The following GRIA1 variants were observed in gnomAD, a reference collection of about 807,000 sequenced individuals.
GRIA1 encodes glutamate ionotropic receptor AMPA type subunit 1, also known as glutamate receptor 1.
A neutral mutation model predicts 99.2 loss-of-function variants in GRIA1; 31 were observed. The ratio of observed to expected loss-of-function variants is 0.31; its 90% CI spans 0.23 to 0.42. The LOEUF is 0.42. Ranked by LOEUF, GRIA1 falls within the 10% of genes least tolerant of loss-of-function variation. The probability of loss-of-function intolerance (pLI) is 1.00; values close to 1 mark genes in which losing one functional copy is unlikely to be tolerated. For synonymous variants in GRIA1, 438 were observed against 432.4 expected (o/e 1.01, Z -0.16); for missense variants, 782 against 1,157.5 (o/e 0.68, Z 4.71).
At chr5:153,757,964 A>G (rs890159918) in intron 11 of GRIA1, among the ~76,000 whole-genome samples, 1 of 152,178 alleles carries the variant, frequency 6.6e-6, no homozygotes, top group Non-Finnish European at 1.5e-5. Flanking sequence ...AGACTGAAAG[A>G]CAAAACTATG....
At chr5:153,560,701 G>A (rs557638774) in intron 2 of GRIA1, among the ~76,000 whole-genome samples, 2 of 152,290 alleles carry the variant, frequency 1.3e-5, no homozygotes, top group South Asian at 4.1e-4. Context: ...AAACTACTCA[G>A]TCTTGGGTGT....
intron 7 of GRIA1, among the ~76,000 whole-genome samples, chr5:153,683,243 C>CA (rs1459320266): frequency 1.3e-5 from 2 of 152,180 alleles, no homozygotes; most frequent in African/African-American, 4.8e-5. Context: ...GGGGCTGAGC[C>CA]ATTCTCTTGA....
intron 11 of GRIA1, among the ~76,000 whole-genome samples, chr5:153,745,608 A>AG (rs1561823731): frequency 4.9e-4 from 69 of 140,018 alleles, no homozygotes; most frequent in African/African-American, 1.8e-3. Flanking sequence ...AAAAAAAAAA[A>AG]AAAAGAAAAG....
intron 9 of GRIA1, among the ~76,000 whole-genome samples, chr5:153,698,483 C>G (rs767608063): frequency 4.6e-5 from 7 of 152,138 alleles, no homozygotes; most frequent in Non-Finnish European, 1.0e-4. Context: ...CAAAGAAAGT[C>G]CAATACATAA....
chr5:153,597,623 A>G (rs1217370687), intron 2 of GRIA1, among the ~76,000 whole-genome samples: 3 of 152,192 alleles, frequency 2.0e-5, no homozygotes, highest in Non-Finnish European at 2.9e-5. Flanking sequence ...AAATATTAAC[A>G]TTAGTTTTAC....
chr5:153,724,209 C>G (rs2149545602), intron 11 of GRIA1, among the ~76,000 whole-genome samples: 1 of 152,256 alleles, frequency 6.6e-6, no homozygotes, highest in South Asian at 2.1e-4. Flanking sequence ...GGAAAACTAA[C>G]AAACAGAAAG....
intron 11 of GRIA1, among the ~76,000 whole-genome samples, chr5:153,731,555 G>A (rs1182202604): frequency 6.6e-6 from 1 of 152,002 alleles, no homozygotes; most frequent in Non-Finnish European, 1.5e-5. Flanking sequence ...TTCCAAACTA[G>A]AATGTGAGCT....
chr5:153,563,957 G>A (rs775449078), intron 2 of GRIA1, among the ~76,000 whole-genome samples: 1 of 152,194 alleles, frequency 6.6e-6, no homozygotes, highest in Non-Finnish European at 1.5e-5. Flanking sequence ...TGCTTTTACA[G>A]ACAGAAACTT....
intron 5 of GRIA1, among the ~76,000 whole-genome samples, chr5:153,665,952 A>G (rs1581430323): frequency 6.6e-6 from 1 of 152,318 alleles, no homozygotes; most frequent in African/African-American, 2.4e-5. Context: ...AGATCAATCA[A>G]CTAATGGCTA....
At chr5:153,807,161 G>A (rs1440197729) in intron 15 of GRIA1, among the ~76,000 whole-genome samples, 1 of 152,152 alleles carries the variant, frequency 6.6e-6, no homozygotes, top group Admixed American at 6.5e-5. Context: ...TTTCCCCTTT[G>A]ACATGTCGAT....
At chr5:153,697,850 G>T (rs538855018) in intron 8 of GRIA1, among the ~76,000 whole-genome samples, 194 bp from the exon 9 acceptor site, 2 of 152,190 alleles carry the variant, frequency 1.3e-5, no homozygotes, top group African/African-American at 4.8e-5. Context: ...ATTTTCCCTG[G>T]GAGCAAAATT....
intron 2 of GRIA1, among the ~76,000 whole-genome samples, chr5:153,615,573 G>A (rs1390223258): frequency 3.3e-5 from 5 of 152,150 alleles, no homozygotes; most frequent in Non-Finnish European, 5.9e-5. Context: ...GAGCCCAGGC[G>A]GTCGAGGCTG....
intron 14 of GRIA1, 24 bp downstream of exon 14, chr5:153,794,759 A>G (rs1372607045): frequency 3.5e-6 from 5 of 1,431,420 alleles, no homozygotes; most frequent in Non-Finnish European, 4.9e-6. Flanking sequence ...AGAAAAAAAA[A>G]AACCTAGTGG....
chr5:153,738,910 C>T (rs919382599), intron 11 of GRIA1, among the ~76,000 whole-genome samples: 5 of 151,672 alleles, frequency 3.3e-5, no homozygotes, highest in Admixed American at 1.3e-4. Flanking sequence ...TTAGTAGAGA[C>T]GGGGTTTTAC....
chr5:153,746,002 C>G (rs1375687297), intron 11 of GRIA1, among the ~76,000 whole-genome samples: 1 of 152,170 alleles, frequency 6.6e-6, no homozygotes, highest in Non-Finnish European at 1.5e-5. Flanking sequence ...GTTCTTATCC[C>G]CATTTTCTAG....
intron 8 of GRIA1, among the ~76,000 whole-genome samples, chr5:153,693,275 A>C (rs1253513200): frequency 6.6e-6 from 1 of 152,180 alleles, no homozygotes; most frequent in Non-Finnish European, 1.5e-5. Flanking sequence ...CGTTGGCCAG[A>C]ACCCAGTTAC....
chr5:153,732,816 T>C (rs576562378), intron 11 of GRIA1, among the ~76,000 whole-genome samples: 6 of 152,068 alleles, frequency 3.9e-5, no homozygotes, highest in Non-Finnish European at 7.4e-5. Context: ...TCAAAAAGCT[T>C]TTGCTCTATG....
At chr5:153,644,586 T>C (rs1754002256) in intron 2 of GRIA1, among the ~76,000 whole-genome samples, 1 of 152,180 alleles carries the variant, frequency 6.6e-6, no homozygotes, top group Admixed American at 6.5e-5. Context: ...GGAATTCACA[T>C]TGACTAAAAC....
intron 2 of GRIA1, among the ~76,000 whole-genome samples, chr5:153,563,470 G>A (rs916151866): frequency 6.6e-6 from 1 of 152,170 alleles, no homozygotes; most frequent in South Asian, 2.1e-4. Flanking sequence ...TTGCCTCAAA[G>A]AGGGTAAAGG....
Sources: gnomAD v4.1 joint callset for allele counts (sites outside exome capture counted in the v4.1 genomes callset) on GRCh38, gnomAD v4.1.1 for gene constraint, MANE v1.5 for transcripts, NCBI Gene and HGNC (gene_info 2026-07-23, HGNC 2026-07-21) for gene names.